The following NPC1L1 variants were observed in gnomAD, a reference collection of about 807,000 sequenced individuals.
The protein encoded by NPC1L1 is NPC1-like intracellular cholesterol transporter 1.
NPC1L1 carries 98 observed loss-of-function variants against 117.0 expected under a neutral mutation model. The observed-to-expected ratio is 0.84, with a 90% CI of 0.71 to 0.99. The LOEUF is 0.99. NPC1L1 is among the 50% of genes least tolerant of loss of function. The pLI, the probability that NPC1L1 is intolerant of heterozygous loss-of-function variation, is 0.00. For missense variants in NPC1L1, 1,540 were observed against 1,710.0 expected (o/e 0.90, Z 1.75); for synonymous variants, 729 against 727.6 (o/e 1.00, Z -0.03).
chr7:44,535,949 A>G lies in NPC1L1; in HGVS notation c.1874T>C (p.Ile625Thr), dbSNP rs773632743. The change falls in exon 5 of 19, where the codon ATC becomes ACC. Residue 625 changes from isoleucine (I) to threonine (T), a missense_variant. Physicochemically the swap from Ile to Thr is moderately conservative, Grantham distance 89 (BLOSUM62 -1). This residue lies in a region of NPC1L1 where 793 missense variants were observed against 820.4 expected (regional missense o/e 0.97). Coordinates refer to ENST00000381160, the MANE Select transcript of NPC1L1 (RefSeq NM_001101648.2). ...FMAERSLEDE[I>T]NRTTAEDLPI... ...CAGGTCTTCAGCTGTGGTGCGATTGATCTCGTCTTCCAGAGAGCGCTGTGG... is the reference window on the plus strand; with the variant it reads ...CAGGTCTTCAGCTGTGGTGCGATTGGTCTCGTCTTCCAGAGAGCGCTGTGG... 3.1e-6 allele frequency: 5 copies of G among 1,613,090 alleles called. No individual in the cohort carries two copies. The highest frequency in any genetic ancestry group is 1.3e-5 in the African/African-American group (1 of 74,864).
Position 44,538,695 on chromosome 7 carries a change from G to A in NPC1L1, c.1580+122C>T, listed in dbSNP as rs550635901. On this transcript the variant is annotated intron_variant, in intron 2 of 18. Coordinates refer to ENST00000381160, the MANE Select transcript of NPC1L1 (RefSeq NM_001101648.2). The surrounding 1 kb of genome is among the most constrained non-coding windows in gnomAD (Gnocchi z 5.9). Reference sequence around the variant, plus strand: ...ATCTGGGCGGCCCCAGGCCAGAGCCGTAGGAATAGCTACCTCTGGTCCTTC... The same window carrying A: ...ATCTGGGCGGCCCCAGGCCAGAGCCATAGGAATAGCTACCTCTGGTCCTTC... 50 of 1,008,838 alleles carry A rather than the reference G, an allele frequency of 5.0e-5. No homozygotes were observed. Among genetic ancestry groups the A allele is most frequent in the Admixed American group, 2.9e-4 (17 of 57,840 alleles). 62.5% of individuals were successfully genotyped at this position (1,008,838 alleles called of 1,614,324 possible).
chr7:44,533,640 G>A (rs1375329140), intron 7 of NPC1L1, 82 bp from the exon 8 acceptor site: 27 of 1,609,286 alleles, frequency 1.7e-5, no homozygotes, highest in Non-Finnish European at 2.3e-5. Context: ...GCAGGGGGAA[G>A]GGAATCTGCA....
intron 14 of NPC1L1, among the ~76,000 whole-genome samples, chr7:44,517,599 T>G (rs1222113001): frequency 6.6e-6 from 1 of 152,208 alleles, no homozygotes; most frequent in Non-Finnish European, 1.5e-5. Context: ...TGACCTTTGA[T>G]GAGTGAAGCC....
chr7:44,532,190 C>A lies in NPC1L1; in HGVS notation c.2437G>T (p.Val813Phe). Residue 813 changes from valine to phenylalanine, a missense_variant, in exon 9 of 19, where the codon GTC (valine) becomes TTC (phenylalanine). Transcript: ENST00000381160. ...GGCGGGGGCAGCTCCTGGGGCTTGA[C>A]ACAGCAGCAGACGTCCAACCGGGAG... is the stretch of plus-strand genomic sequence containing the variant. ...EASRLDVCCCVKPQELPPPGQ... is the reference protein window; with the variant it reads ...EASRLDVCCCFKPQELPPPGQ... 6.2e-7 allele frequency: 1 copy of A among 1,613,918 alleles called. No homozygotes were observed. The highest frequency in any genetic ancestry group is 8.5e-7 in the Non-Finnish European group (1 of 1,180,008).
At chr7:44,529,381 C>CT (rs374200724) in intron 10 of NPC1L1, among the ~76,000 whole-genome samples, 4,911 of 141,678 alleles carry the variant, frequency 0.035, 233 homozygotes, top group African/African-American at 0.11. Context: ...ACAAAATATA[C>CT]TTTTTTTTTT....
At position 44,539,266 on chromosome 7, in the gene NPC1L1, C is replaced by T. The variant is rs757995109; in HGVS notation, c.1131G>A (p.Thr377=). ...AAGLVFTELT[T]DPVELWSAPN... ...GGGCCGACCACAGCTCCACGGGGTC[C>T]GTAGTGAGTTCTGTAAAGACCAGGC... The change falls in exon 2 of 19, where the codon ACG becomes ACA. Residue 377 remains threonine (T), a synonymous_variant. Transcript: ENST00000381160. This position sits in a 1 kb window ranked among gnomAD's most constrained non-coding sequence, Gnocchi z 4.4. The T allele has an allele frequency of 3.4e-5, 55 of 1,614,022 alleles. No homozygotes were observed. Among genetic ancestry groups the T allele is most frequent in the African/African-American group, 5.3e-5 (4 of 75,036 alleles).
chr7:44,534,607 C>T lies in NPC1L1; in HGVS notation c.2006G>A (p.Gly669Asp). ...CAGGACCACGGCCACCCCGCCGAGG[C>T]CCAGCGTGGCCTTGGAGTCCACCTG... is the stretch of plus-strand genomic sequence containing the variant. The part of the protein sequence containing the change: ...RVMVDSKATL[G>D]LGGVAVVLGA... Residue 669 changes from glycine to aspartate, a missense_variant, in exon 6 of 19, where the codon GGC becomes GAC. By Grantham distance (94) the Gly-to-Asp change is moderately conservative. This residue lies in a region of NPC1L1 where 742 missense variants were observed against 873.6 expected (regional missense o/e 0.85). Transcript: ENST00000381160. This position sits in a 1 kb window ranked among gnomAD's most constrained non-coding sequence, Gnocchi z 5.2. 1 of 1,614,052 alleles carries T rather than the reference C, an allele frequency of 6.2e-7. No homozygotes were observed. The highest frequency in any genetic ancestry group is 8.5e-7 in the Non-Finnish European group (1 of 1,179,948).
At chr7:44,518,918 A>C (rs1801272264) in intron 14 of NPC1L1, among the ~76,000 whole-genome samples, 1 of 151,072 alleles carries the variant, frequency 6.6e-6, no homozygotes, top group African/African-American at 2.5e-5. Flanking sequence ...GAGGGCTGAG[A>C]ACTTGCGTTT....
rs1585138135 is a variant in NPC1L1 at position 44,527,346 on chromosome 7, A to C, written c.2637+4409T>G. Among the ~76,000 whole-genome samples the C allele has an allele frequency of 9.3e-5, 14 of 151,234 alleles. No homozygotes were observed. In the South Asian group the frequency reaches 2.9e-3, roughly 32 times the overall value. On this transcript the variant is annotated intron_variant, in intron 10 of 18. Transcript: ENST00000381160. ...GGTGGCACATGCCTGTAATCCCAGT[A>C]CTCGGGGGGCTGAGGCAGGAGAATC... is the stretch of plus-strand genomic sequence containing the variant.
intron 12 of NPC1L1, 62 bp downstream of exon 12, chr7:44,521,650 T>C: frequency 6.2e-7 from 1 of 1,612,400 alleles, no homozygotes; most frequent in Non-Finnish European, 8.5e-7. Flanking sequence ...GTCCTCTCCT[T>C]TCTGTTGCCT....
intron 14 of NPC1L1, among the ~76,000 whole-genome samples, chr7:44,518,011 G>A (rs1801241555): frequency 1.3e-5 from 2 of 151,798 alleles, no homozygotes; most frequent in Non-Finnish European, 2.9e-5. Context: ...AGCTACTTGG[G>A]GGGCTGAGGC....
intron 10 of NPC1L1, among the ~76,000 whole-genome samples, chr7:44,528,063 G>C (rs939605844): frequency 6.6e-6 from 1 of 151,994 alleles, no homozygotes; most frequent in Admixed American, 6.6e-5. Flanking sequence ...GGCCTCAAGT[G>C]ATCCAACCAC....
At chr7:44,523,119 G>C (rs140088134) in intron 10 of NPC1L1, among the ~76,000 whole-genome samples, 1 of 152,140 alleles carries the variant, frequency 6.6e-6, no homozygotes, top group African/African-American at 2.4e-5. Context: ...GCAGTGGCGC[G>C]ATCTCTGCTC....
rs1387161344 is a variant in NPC1L1 at position 44,538,236 on chromosome 7, T to C, written c.1580+581A>G. Among the ~76,000 whole-genome samples, 1 of 152,240 alleles carries C rather than the reference T, an allele frequency of 6.6e-6. No homozygotes were observed. Among genetic ancestry groups the C allele is most frequent in the Admixed American group, 6.5e-5 (1 of 15,284 alleles). On this transcript the variant is annotated intron_variant, in intron 2 of 18. Coordinates refer to ENST00000381160, the MANE Select transcript of NPC1L1 (RefSeq NM_001101648.2). This position sits in a 1 kb window ranked among gnomAD's most constrained non-coding sequence, Gnocchi z 5.9. ...CTTGGCCCCCTTGGCCCAGCAGCGTTGTTGGCATCTTGTTGGCAGCACACC... is the reference window on the plus strand; with the variant it reads ...CTTGGCCCCCTTGGCCCAGCAGCGTCGTTGGCATCTTGTTGGCAGCACACC...
At chr7:44,519,025 CTTTCTTTTCT>C (rs142811942) in intron 14 of NPC1L1, among the ~76,000 whole-genome samples, 6 of 148,854 alleles carry the variant, frequency 4.0e-5, no homozygotes, top group African/African-American at 1.2e-4. Flanking sequence ...TTCTCCCTTT[CTTTCTTTTCT>C]TTTCTTTTCT....
chr7:44,535,706 C>T (rs1394409677), intron 5 of NPC1L1, 134 bp downstream of exon 5: 14 of 1,193,110 alleles, frequency 1.2e-5, no homozygotes, highest in African/African-American at 9.0e-5. Flanking sequence ...GAGGTATTAC[C>T]CTTTGGGGCA....
Position 44,531,821 on chromosome 7 carries a change from G to T in NPC1L1, c.2571C>A (p.Phe857Leu), listed in dbSNP as rs140093298. ...GVVLLLFLAL[F>L]GVSLYSMCHI... ...GGCACATGGAGTAGAGGCTCACTCC[G>T]AACAGGGCGAGAAACAGCAGCAGCT... Residue 857 changes from phenylalanine to leucine, a missense_variant, in exon 10 of 19, where the codon TTC (phenylalanine) becomes TTA (leucine). Transcript: ENST00000381160. The T allele has an allele frequency of 6.9e-5, 109 of 1,587,186 alleles. 1 individual carries two copies. Among genetic ancestry groups the T allele is most frequent in the Non-Finnish European group, 2.6e-6 (3 of 1,167,022 alleles).
chr7:44,533,969 A>G, intron 6 of NPC1L1, 116 bp from the exon 7 acceptor site: 1 of 783,908 alleles, frequency 1.3e-6, no homozygotes, highest in Non-Finnish European at 2.2e-6. Flanking sequence ...AGCTGCTCTG[A>G]CCTTCCTGAA....
In NPC1L1 at chr7:44,538,334, C is replaced by T. The variant is rs539207320; in HGVS notation, c.1580+483G>A. Reference sequence around the variant, plus strand: ...TGGCTGTGGCCTACCCCAGGACACCCGGCCCAGGTGCCTGAGACCAGCCAC... The same window carrying T: ...TGGCTGTGGCCTACCCCAGGACACCTGGCCCAGGTGCCTGAGACCAGCCAC... On this transcript the variant is annotated intron_variant, in intron 2 of 18. Transcript: ENST00000381160. The surrounding 1 kb of genome is among the most constrained non-coding windows in gnomAD (Gnocchi z 5.9). Among the ~76,000 whole-genome samples the T allele has an allele frequency of 1.4e-4, 21 of 152,194 alleles. No homozygotes were observed. The highest frequency in any genetic ancestry group is 3.4e-4 in the African/African-American group (14 of 41,444).
Sources: gnomAD v4.1 joint callset for allele counts (sites outside exome capture counted in the v4.1 genomes callset) on GRCh38, gnomAD v4.1.1 for gene constraint, gnomAD v4.1.1 regional missense constraint, Gnocchi (gnomAD v3.1) non-coding constraint, MANE v1.5 for transcripts, NCBI Gene and HGNC (gene_info 2026-07-23, HGNC 2026-07-21) for gene names.